The following EXOC6B variants were observed in gnomAD, a reference collection of about 807,000 sequenced individuals.
The protein encoded by EXOC6B is exocyst complex component 6B.
Under a neutral mutation model 113.5 loss-of-function variants are expected in EXOC6B, and 54 were observed. The ratio of observed to expected loss-of-function variants is 0.48; its 90% confidence interval spans 0.38 to 0.60. The LOEUF is 0.60. Among genes scored for constraint, EXOC6B ranks in the 20% least tolerant of loss-of-function variants. The pLI is 0.00. For missense variants in EXOC6B, 797 were observed against 977.5 expected, an observed-to-expected ratio of 0.82 and a Z score of 2.46; for synonymous variants, 357 against 339.0, an observed-to-expected ratio of 1.05 and a Z score of -0.58.
chr2:72,420,838 T>C (rs1694828657), intron 18 of EXOC6B, among the ~76,000 whole-genome samples: 1 of 152,206 alleles, frequency 6.6e-6, no homozygotes, highest in Non-Finnish European at 1.5e-5. Flanking sequence ...GTTGAACTAA[T>C]TTACACTCCC....
chr2:72,245,742 C>A (rs1682612454), intron 20 of EXOC6B, among the ~76,000 whole-genome samples: 2 of 152,004 alleles, frequency 1.3e-5, no homozygotes, highest in Admixed American at 1.3e-4. Flanking sequence ...TTTGCCAAAA[C>A]CCACAGAATG....
intron 20 of EXOC6B, among the ~76,000 whole-genome samples, chr2:72,299,725 T>C (rs78236322): frequency 6.6e-6 from 1 of 151,944 alleles, no homozygotes; most frequent in African/African-American, 2.4e-5. Context: ...GGTCTCTGAG[T>C]GGATGTCCTT....
chr2:72,347,966 GAT>G (rs1173245249), intron 19 of EXOC6B, among the ~76,000 whole-genome samples: 1 of 152,152 alleles, frequency 6.6e-6, no homozygotes, highest in Non-Finnish European at 1.5e-5. Flanking sequence ...AAATGCCCAT[GAT>G]ACTACACTAT....
intron 1 of EXOC6B, among the ~76,000 whole-genome samples, chr2:72,813,831 T>C (rs1456453666): frequency 1.3e-5 from 2 of 152,226 alleles, no homozygotes; most frequent in Non-Finnish European, 2.9e-5. Flanking sequence ...TGCACTGTGA[T>C]GATTCTTGCT....
chr2:72,700,707 T>G (rs189597611), intron 6 of EXOC6B, among the ~76,000 whole-genome samples: 67 of 152,336 alleles, frequency 4.4e-4, no homozygotes, highest in Admixed American at 1.2e-3. Context: ...CTCACACCTG[T>G]AATGCCAGCA....
chr2:72,304,492 A>AT (rs887381424), intron 20 of EXOC6B, among the ~76,000 whole-genome samples: 40 of 151,848 alleles, frequency 2.6e-4, no homozygotes, highest in African/African-American at 8.2e-4. Context: ...CATGGATTAA[A>AT]TTTTTTTTTA....
At chr2:72,237,985 C>T (rs1682070597) in intron 20 of EXOC6B, among the ~76,000 whole-genome samples, 1 of 152,084 alleles carries the variant, frequency 6.6e-6, no homozygotes, top group Non-Finnish European at 1.5e-5. Context: ...AGGATAATTA[C>T]AGGATTGTGC....
At chr2:72,455,639 T>C (rs1420466073) in intron 18 of EXOC6B, among the ~76,000 whole-genome samples, 1 of 152,188 alleles carries the variant, frequency 6.6e-6, no homozygotes, top group Non-Finnish European at 1.5e-5. Context: ...TTTACTAATG[T>C]GTAAGCTAAT....
intron 11 of EXOC6B, among the ~76,000 whole-genome samples, chr2:72,509,658 G>C (rs947382157): frequency 6.6e-6 from 1 of 151,540 alleles, no homozygotes; most frequent in Non-Finnish European, 1.5e-5. Flanking sequence ...GTCAGATGAG[G>C]TTAATATTAA....
chr2:72,462,641 A>T (rs1222549365), intron 18 of EXOC6B: 2 of 152,054 alleles, frequency 1.3e-5, no homozygotes, highest in East Asian at 3.9e-4. Flanking sequence ...ACTTTATCAG[A>T]CACTGAATCT....
chr2:72,549,894 T>G (rs1208916506), intron 8 of EXOC6B, among the ~76,000 whole-genome samples: 1 of 152,028 alleles, frequency 6.6e-6, no homozygotes, highest in African/African-American at 2.4e-5. Context: ...AAAAACATAC[T>G]GTAAAAGAAG....
intron 19 of EXOC6B, among the ~76,000 whole-genome samples, chr2:72,364,692 C>T (rs1317061653): frequency 6.6e-6 from 1 of 152,122 alleles, no homozygotes; most frequent in Non-Finnish European, 1.5e-5. Flanking sequence ...ATTATTCTTA[C>T]TCTTCAGTGT....
At chr2:72,794,940 A>C (rs980219578) in intron 1 of EXOC6B, among the ~76,000 whole-genome samples, 1 of 152,250 alleles carries the variant, frequency 6.6e-6, no homozygotes, top group Admixed American at 6.5e-5. Context: ...GTACAAAGGT[A>C]GAGCAAAGGC....
chr2:72,182,038 G>T (rs1273755638), intron 21 of EXOC6B, among the ~76,000 whole-genome samples: 1 of 152,152 alleles, frequency 6.6e-6, no homozygotes, highest in African/African-American at 2.4e-5. Flanking sequence ...AAGATCTGAT[G>T]GTAGAACTGG....
intron 19 of EXOC6B, among the ~76,000 whole-genome samples, chr2:72,338,942 CACATACACATACACATACACAT>C (rs1325575460): frequency 6.6e-6 from 1 of 151,426 alleles, no homozygotes; most frequent in Non-Finnish European, 1.5e-5. Flanking sequence ...CATACACATA[CACATACACATACACATACACAT>C]ACATACACAT....
At chr2:72,283,899 C>T (rs549671879) in intron 20 of EXOC6B, among the ~76,000 whole-genome samples, 10 of 152,010 alleles carry the variant, frequency 6.6e-5, no homozygotes, top group South Asian at 2.1e-4. Context: ...GGATCAATTG[C>T]GTGAAAAACA....
chr2:72,439,315 C>T (rs1288923949), intron 18 of EXOC6B, among the ~76,000 whole-genome samples: 3 of 152,254 alleles, frequency 2.0e-5, no homozygotes, highest in Admixed American at 1.3e-4. Context: ...ATGGAAGATA[C>T]CCTGAAATAC....
intron 18 of EXOC6B, among the ~76,000 whole-genome samples, chr2:72,388,872 A>G (rs1692211173): frequency 6.6e-6 from 1 of 152,110 alleles, no homozygotes; most frequent in Non-Finnish European, 1.5e-5. Context: ...CAGAAACTCA[A>G]TGTTTTAATG....
intron 11 of EXOC6B, among the ~76,000 whole-genome samples, chr2:72,505,438 A>T (rs1298379249): frequency 2.0e-5 from 3 of 152,292 alleles, no homozygotes; most frequent in Non-Finnish European, 4.4e-5. Flanking sequence ...TGACCATATC[A>T]GAGGATCTTA....
Sources: allele counts gnomAD v4.1 joint callset (sites outside exome capture counted in the v4.1 genomes callset), GRCh38; gene constraint gnomAD v4.1.1; transcripts MANE v1.5; gene names NCBI Gene and HGNC (gene_info 2026-07-23, HGNC 2026-07-21).